The following SEMA6A variants were observed in gnomAD, a reference collection of about 807,000 sequenced individuals.
The protein encoded by SEMA6A is semaphorin-6A.
Under a neutral mutation model 96.8 loss-of-function variants are expected in SEMA6A, and 25 were observed. That is an observed-to-expected ratio of 0.26 (90% CI 0.19 to 0.36). The LOEUF (loss-of-function observed/expected upper bound fraction) is 0.36, where lower values mean the gene tolerates loss of function less well. Among genes scored for constraint, SEMA6A ranks in the 10% least tolerant of loss-of-function variants. The probability of loss-of-function intolerance (pLI) is 1.00; values close to 1 mark genes in which losing one functional copy is unlikely to be tolerated. For synonymous variants in SEMA6A, 612 were observed against 518.0 expected (o/e 1.18, Z -2.46); for missense variants, 1,363 against 1,323.1 (o/e 1.03, Z -0.47).
intron 1 of SEMA6A, among the ~76,000 whole-genome samples, chr5:116,547,139 A>T (rs1425006921): frequency 1.3e-5 from 2 of 152,176 alleles, no homozygotes; most frequent in African/African-American, 4.8e-5. Context: ...ACAATTTTTT[A>T]AAAATCTATT....
At chr5:116,505,908 AAT>A (rs1758124471) in intron 1 of SEMA6A, among the ~76,000 whole-genome samples, 3 of 152,194 alleles carry the variant, frequency 2.0e-5, no homozygotes, top group Non-Finnish European at 4.4e-5. Context: ...TAATACAGTA[AAT>A]ATCACTTAAT....
rs751281570 is a variant in SEMA6A at position 116,446,867 on chromosome 5, G to A, written c.2839C>T (p.Leu947Phe). Residue 947 changes from leucine to phenylalanine, a missense_variant, in exon 19 of 19, where the codon CTC becomes TTC. Leu to Phe is a conservative substitution (Grantham distance 22, BLOSUM62 0). This residue lies in a region of SEMA6A where 883 missense variants were observed against 763.6 expected (regional missense o/e 1.16). Transcript: ENST00000343348. Reference sequence around the variant, plus strand: ...CTGCCAAAGCTCTGGTTTCTGGAGAGGTGAGAGGAATTGGAGGAGTTAGTG... The same window carrying A: ...CTGCCAAAGCTCTGGTTTCTGGAGAAGTGAGAGGAATTGGAGGAGTTAGTG... ...NNTNSSNSSHLSRNQSFGRGD... is the reference protein window; with the variant it reads ...NNTNSSNSSHFSRNQSFGRGD... 7 of 1,613,892 alleles carry A rather than the reference G, an allele frequency of 4.3e-6. No individual in the cohort carries two copies. The South Asian group carries it at 6.6e-5, about 15-fold the overall frequency.
rs573573511 is a variant in SEMA6A at position 116,548,538 on chromosome 5, T to A, written c.-39+25647A>T. On this transcript the variant is annotated intron_variant, in intron 1 of 18. Coordinates refer to ENST00000343348, the MANE Select transcript of SEMA6A (RefSeq NM_020796.5). The stretch of plus-strand genomic sequence containing the variant: ...AACTTATGGTGTATAAATATAATGC[T>A]GCATACCACGGAAAAGTTATTGTTG... Among the ~76,000 whole-genome samples the A allele has an allele frequency of 4.6e-5, 7 of 152,320 alleles. No individual in the cohort carries two copies. In the East Asian group the frequency reaches 1.3e-3, roughly 29 times the overall value.
chr5:116,533,257 CTT>C (rs77196415), intron 1 of SEMA6A, among the ~76,000 whole-genome samples: 2,655 of 140,822 alleles, frequency 0.019, 85 homozygotes, highest in African/African-American at 0.065. Flanking sequence ...TTTGTTTTTC[CTT>C]TTTTTTTTTT....
At chr5:116,456,093 T>C (rs1009628666) in intron 18 of SEMA6A, among the ~76,000 whole-genome samples, 5 of 152,318 alleles carry the variant, frequency 3.3e-5, no homozygotes, top group African/African-American at 1.2e-4. Flanking sequence ...GGTTCAACTG[T>C]GTTAGCCAAA....
chr5:116,458,859 T>C (rs1755185485), intron 18 of SEMA6A, among the ~76,000 whole-genome samples: 2 of 152,054 alleles, frequency 1.3e-5, no homozygotes, highest in Admixed American at 6.6e-5. Flanking sequence ...GAAAGAACAA[T>C]TACAGCCTGC....
chr5:116,472,302 T>A (rs878867268), intron 17 of SEMA6A: 1 of 152,254 alleles, frequency 6.6e-6, no homozygotes, highest in Admixed American at 6.5e-5. Flanking sequence ...TGTTTGCACA[T>A]CATTTCCACT....
In SEMA6A at chr5:116,536,866, TAAAAAA is replaced by T. The variant is rs72214884; in HGVS notation, c.-38-31890_-38-31885del. On this transcript the variant is annotated intron_variant, in intron 1 of 18. Coordinates refer to ENST00000343348, the MANE Select transcript of SEMA6A (RefSeq NM_020796.5). ...TTTATTCAGTCCCCGTGTGATTTCT[TAAAAAA>T]AAAAAAAAAAAAAAAAAAAAAAGCA... Among the ~76,000 whole-genome samples, 105 of 69,520 alleles carry T rather than the reference TAAAAAA, an allele frequency of 1.5e-3. 1 individual carries two copies. Among genetic ancestry groups the T allele is most frequent in the African/African-American group, 4.4e-3 (93 of 21,020 alleles). 45.6% of individuals were successfully genotyped at this position (69,520 alleles called of 152,430 possible).
At chr5:116,533,510 A>G (rs913289529) in intron 1 of SEMA6A, among the ~76,000 whole-genome samples, 2 of 152,208 alleles carry the variant, frequency 1.3e-5, no homozygotes, top group African/African-American at 4.8e-5. Context: ...TTATTTAGAA[A>G]GCCCTTTTTA....
At chr5:116,490,272 T>C (rs1018194046) in intron 7 of SEMA6A, among the ~76,000 whole-genome samples, 2 of 152,192 alleles carry the variant, frequency 1.3e-5, no homozygotes, top group East Asian at 1.9e-4. Flanking sequence ...ACTTTTCTTA[T>C]GGATTTTGAG....
rs1253724733 is a variant in SEMA6A, at chr5:116,480,189, G to A, written c.1183C>T (p.His395Tyr). Residue 395 changes from histidine (H) to tyrosine (Y), a missense_variant, in exon 12 of 19, where the codon CAC (histidine) becomes TAC (tyrosine). Physicochemically the swap from His to Tyr is moderately conservative, Grantham distance 83. Coordinates refer to ENST00000343348, the MANE Select transcript of SEMA6A (RefSeq NM_020796.5). ...GGCACTGCCTCATCCATGAGCGGGT[G>A]CGTCTTGATGAAGTTCAGGGTATCA... is the stretch of plus-strand genomic sequence containing the variant. ...PDDTLNFIKT[H>Y]PLMDEAVPSI... 2 of 1,613,892 alleles carry A rather than the reference G, an allele frequency of 1.2e-6. No individual in the cohort carries two copies. Among genetic ancestry groups the A allele is most frequent in the South Asian group, 1.1e-5 (1 of 91,078 alleles).
At chr5:116,495,644 C>G in intron 5 of SEMA6A, 130 bp from the exon 6 acceptor site, 2 of 619,784 alleles carry the variant, frequency 3.2e-6, no homozygotes, top group Non-Finnish European at 5.7e-6. Flanking sequence ...ATTAAAAGTT[C>G]AAGTTCTTCC....
chr5:116,480,633 A>G (rs779593226), intron 11 of SEMA6A, among the ~76,000 whole-genome samples: 5 of 152,172 alleles, frequency 3.3e-5, no homozygotes, highest in Non-Finnish European at 7.3e-5. Context: ...AAAGGCTGCT[A>G]GAGATTCCTC....
intron 1 of SEMA6A, chr5:116,562,559 G>A: frequency 1.7e-6 from 1 of 596,572 alleles, no homozygotes; most frequent in South Asian, 1.7e-5. Flanking sequence ...ACAACGTGCA[G>A]AAATGGCACC....
At chr5:116,468,988 AT>A (rs1755938304) in intron 17 of SEMA6A, 1 of 151,636 alleles carries the variant, frequency 6.6e-6, no homozygotes, top group South Asian at 2.1e-4. Context: ...TGGAAGTTGG[AT>A]TTCCCCCCAG....
chr5:116,453,168 G>C lies in SEMA6A; in HGVS notation c.1895-5357C>G, dbSNP rs374708320. On this transcript the variant is annotated intron_variant, in intron 18 of 18. Coordinates refer to ENST00000343348, the MANE Select transcript of SEMA6A (RefSeq NM_020796.5). ...AAATGGTCTAACTCCCTTCTAGTCTGTTAGGCTGGAGGCATGAGCCACCCT... is the reference window on the plus strand; with the variant it reads ...AAATGGTCTAACTCCCTTCTAGTCTCTTAGGCTGGAGGCATGAGCCACCCT... Among the ~76,000 whole-genome samples, 10 of 152,300 alleles carry C rather than the reference G, an allele frequency of 6.6e-5. No individual in the cohort carries two copies. The South Asian group carries it at 1.7e-3, about 25-fold the overall frequency.
intron 1 of SEMA6A, among the ~76,000 whole-genome samples, chr5:116,527,259 A>C (rs983367545): frequency 6.6e-6 from 1 of 152,212 alleles, no homozygotes; most frequent in Non-Finnish European, 1.5e-5. Context: ...GAACTAAAAA[A>C]AAAGAAGCAA....
At chr5:116,467,177 A>AT (rs762343288) in intron 18 of SEMA6A, among the ~76,000 whole-genome samples, 5 of 152,136 alleles carry the variant, frequency 3.3e-5, no homozygotes, top group Non-Finnish European at 5.9e-5. Context: ...CAATTCACTG[A>AT]TTAACAGGGC....
intron 9 of SEMA6A, among the ~76,000 whole-genome samples, chr5:116,487,695 C>G (rs1295090073): frequency 6.6e-6 from 1 of 152,042 alleles, no homozygotes; most frequent in Non-Finnish European, 1.5e-5. Context: ...GAAACCCTGT[C>G]TCTACTAAAA....
Sources: gnomAD v4.1 joint callset for allele counts (sites outside exome capture counted in the v4.1 genomes callset) on GRCh38, gnomAD v4.1.1 for gene constraint, gnomAD v4.1.1 regional missense constraint, MANE v1.5 for transcripts, NCBI Gene and HGNC (gene_info 2026-07-23, HGNC 2026-07-21) for gene names.